PDLIM1: variants seen among roughly 807,000 people sequenced by gnomAD.
The protein encoded by PDLIM1 is PDZ and LIM domain 1.
A neutral mutation model predicts 35.2 loss-of-function variants in PDLIM1; 25 were observed. The observed-to-expected ratio is 0.71, with a 90% confidence interval of 0.52 to 0.99. The LOEUF is 0.99. Among genes scored for constraint, PDLIM1 ranks in the 50% least tolerant of loss-of-function variants. The pLI is 0.00. For missense variants in PDLIM1, 363 were observed against 415.3 expected (o/e 0.87, Z 1.09); for synonymous variants, 152 against 154.0 (o/e 0.99, Z 0.10).
intron 1 of PDLIM1, among the ~76,000 whole-genome samples, chr10:95,286,613 G>A (rs1382800661): frequency 6.6e-6 from 1 of 152,140 alleles, no homozygotes; most frequent in East Asian, 1.9e-4. Flanking sequence ...GCTTTCCTCT[G>A]AGACCTACTG....
intron 4 of PDLIM1, among the ~76,000 whole-genome samples, chr10:95,253,230 C>T (rs944509444): frequency 1.3e-5 from 2 of 152,084 alleles, no homozygotes; most frequent in Non-Finnish European, 2.9e-5. Context: ...ATGCTTTCAG[C>T]TGCTGAAAGA....
chr10:95,257,018 G>GAAAGAAAGA (rs2035320426), intron 4 of PDLIM1, among the ~76,000 whole-genome samples: 2 of 144,036 alleles, frequency 1.4e-5, no homozygotes, highest in African/African-American at 5.3e-5. Flanking sequence ...AAGAAAGAAA[G>GAAAGAAAGA]AAAGAAAGAA....
intron 4 of PDLIM1, among the ~76,000 whole-genome samples, chr10:95,257,014 G>GAAAGAAAGAAAGAAAGAAAA (rs2035320205): frequency 9.1e-6 from 1 of 109,570 alleles, no homozygotes. Context: ...AAGAAAGAAA[G>GAAAGAAAGAAAGAAAGAAAA]AAAGAAAGAA....
intron 4 of PDLIM1, among the ~76,000 whole-genome samples, chr10:95,259,677 T>C (rs1252674332): frequency 6.6e-6 from 1 of 152,240 alleles, no homozygotes; most frequent in African/African-American, 2.4e-5. Flanking sequence ...GCCTTCATGA[T>C]AGAGGTGTAC....
At position 95,263,407 on chromosome 10, in the gene PDLIM1, A is replaced by G. The variant is rs141147085; in HGVS notation, c.533+457T>C. Among the ~76,000 whole-genome samples the G allele has an allele frequency of 3.3e-5, 5 of 152,244 alleles. No homozygotes were observed. In the East Asian group the frequency reaches 9.7e-4, roughly 29 times the overall value. ...GAAAAAGCAAACACTGCTTCACCAA[A>G]ACTATGCAGCATGAAGTATTTCTCC... On this transcript the variant is annotated intron_variant, in intron 4 of 6. Coordinates refer to ENST00000329399, the MANE Select transcript of PDLIM1 (RefSeq NM_020992.4).
chr10:95,261,449 C>G (rs930481654), intron 4 of PDLIM1, among the ~76,000 whole-genome samples: 4 of 152,126 alleles, frequency 2.6e-5, no homozygotes, highest in East Asian at 3.9e-4. Flanking sequence ...TGGAAGCTTC[C>G]TCTCAGGGTG....
At chr10:95,253,414 AC>A (rs1268193295) in intron 4 of PDLIM1, among the ~76,000 whole-genome samples, 2 of 152,130 alleles carry the variant, frequency 1.3e-5, no homozygotes, top group African/African-American at 4.8e-5. Flanking sequence ...AAAAGAAGGA[AC>A]CAGCCAGGCA....
intron 1 of PDLIM1, among the ~76,000 whole-genome samples, chr10:95,280,412 C>A (rs2035551522): frequency 6.6e-6 from 1 of 152,250 alleles, no homozygotes; most frequent in Middle Eastern, 3.4e-3. Context: ...TCTTGTGTTG[C>A]CTCCTAGCCC....
At chr10:95,245,912 G>A (rs45615633) in intron 5 of PDLIM1, among the ~76,000 whole-genome samples, 74 of 152,248 alleles carry the variant, frequency 4.9e-4, no homozygotes, top group African/African-American at 1.7e-3. Context: ...CTTCGGCTGC[G>A]GACTTTGAGG....
chr10:95,287,282 C>G (rs986335554), intron 1 of PDLIM1, among the ~76,000 whole-genome samples: 3 of 152,198 alleles, frequency 2.0e-5, no homozygotes, highest in African/African-American at 7.2e-5. Context: ...CATAATCTGA[C>G]AGACAAACCC....
chr10:95,268,431 A>T (rs2035433292), intron 3 of PDLIM1, among the ~76,000 whole-genome samples: 1 of 152,178 alleles, frequency 6.6e-6, no homozygotes, highest in South Asian at 2.1e-4. Context: ...CATCCCTGTC[A>T]TGATTCATTT....
chr10:95,258,607 T>C (rs1486925204), intron 4 of PDLIM1, among the ~76,000 whole-genome samples: 1 of 152,178 alleles, frequency 6.6e-6, no homozygotes, highest in East Asian at 1.9e-4. Flanking sequence ...TCCAATTATA[T>C]GAGATATCTA....
chr10:95,245,648 C>T (rs1313089575), intron 5 of PDLIM1, among the ~76,000 whole-genome samples: 1 of 152,228 alleles, frequency 6.6e-6, no homozygotes, highest in Non-Finnish European at 1.5e-5. Context: ...AATACTGGAA[C>T]TTGATACGAA....
intron 4 of PDLIM1, among the ~76,000 whole-genome samples, chr10:95,256,986 A>AAAGAAAGAAGAAAGAAAGAAAG (rs60806315): frequency 1.6e-5 from 1 of 61,658 alleles, no homozygotes; most frequent in Admixed American, 2.0e-4. Flanking sequence ...AAAAAAAAAA[A>AAAGAAAGAAGAAAGAAAGAAAG]AAAGAAAGAA....
At chr10:95,278,684 AG>A (rs1315053108) in intron 1 of PDLIM1, among the ~76,000 whole-genome samples, 1 of 152,240 alleles carries the variant, frequency 6.6e-6, no homozygotes, top group Non-Finnish European at 1.5e-5. Flanking sequence ...ATGAGGCTGT[AG>A]ATGTAAACAC....
intron 4 of PDLIM1, among the ~76,000 whole-genome samples, chr10:95,257,281 A>G (rs910689993): frequency 1.3e-5 from 2 of 151,988 alleles, no homozygotes; most frequent in Admixed American, 1.3e-4. Flanking sequence ...GATTTCTTGA[A>G]TATGACACAA....
At chr10:95,241,022 G>C (rs566242846) in intron 5 of PDLIM1, among the ~76,000 whole-genome samples, 1 of 152,152 alleles carries the variant, frequency 6.6e-6, no homozygotes, top group Non-Finnish European at 1.5e-5. Flanking sequence ...GTTCCCAGGC[G>C]CCACTGATCC....
chr10:95,264,699 G>C (rs1385198456), intron 3 of PDLIM1, among the ~76,000 whole-genome samples: 2 of 152,138 alleles, frequency 1.3e-5, no homozygotes, highest in Admixed American at 1.3e-4. Flanking sequence ...TTACAGGGGC[G>C]GTACCCAGCA....
Position 95,275,014 on chromosome 10 carries a change from C to T in PDLIM1, c.97-3230G>A, listed in dbSNP as rs192231688. Among the ~76,000 whole-genome samples, 481 of 152,286 alleles carry T rather than the reference C, an allele frequency of 3.2e-3. 1 individual carries two copies. The highest frequency in any genetic ancestry group is 3.2e-3 in the Non-Finnish European group (221 of 68,024). Reference sequence around the variant, plus strand: ...AGATGTAGGCATAGTTAAATGATTACCAGCCATTATTCCAGAGCTCACAAT... The same window carrying T: ...AGATGTAGGCATAGTTAAATGATTATCAGCCATTATTCCAGAGCTCACAAT... On this transcript the variant is annotated intron_variant, in intron 1 of 6. Coordinates refer to ENST00000329399, the MANE Select transcript of PDLIM1 (RefSeq NM_020992.4).
Sources: allele counts gnomAD v4.1 joint callset (sites outside exome capture counted in the v4.1 genomes callset), GRCh38; gene constraint gnomAD v4.1.1; transcripts MANE v1.5; gene names NCBI Gene and HGNC (gene_info 2026-07-23, HGNC 2026-07-21).